Variants in OXR1 observed in about 807,000 individuals in gnomAD.
OXR1 encodes the protein oxidation resistance 1.
A neutral mutation model predicts 104.6 loss-of-function variants in OXR1; 41 were observed. The ratio of observed to expected loss-of-function variants is 0.39; its 90% CI spans 0.31 to 0.51. The LOEUF (loss-of-function observed/expected upper bound fraction) is 0.51, where lower values mean the gene tolerates loss of function less well. Ranked by LOEUF, OXR1 falls within the 20% of genes least tolerant of loss-of-function variation. The pLI is 0.77. For synonymous variants in OXR1, 348 were observed against 348.4 expected (o/e 1.00, Z 0.01); for missense variants, 955 against 1,031.9 (o/e 0.93, Z 1.02).
At chr8:106,614,566 T>A (rs1320048000) in intron 3 of OXR1, among the ~76,000 whole-genome samples, 2 of 152,222 alleles carry the variant, frequency 1.3e-5, no homozygotes, top group African/African-American at 4.8e-5. Context: ...GATGATTGTA[T>A]ACCTAGTGGA....
intron 11 of OXR1, among the ~76,000 whole-genome samples, chr8:106,736,591 A>G (rs892893743): frequency 1.3e-5 from 2 of 152,216 alleles, no homozygotes; most frequent in African/African-American, 4.8e-5. Flanking sequence ...TAGTATGGTA[A>G]CTGTTTTTAG....
intron 3 of OXR1, among the ~76,000 whole-genome samples, chr8:106,640,342 G>A (rs1320497878): frequency 6.7e-6 from 1 of 150,304 alleles, no homozygotes; most frequent in Admixed American, 6.6e-5. Context: ...TTGCATATTT[G>A]TATATAGATG....
chr8:106,300,583 C>G (rs918468428), intron 1 of OXR1, among the ~76,000 whole-genome samples: 1 of 151,706 alleles, frequency 6.6e-6, no homozygotes, highest in African/African-American at 2.4e-5. Flanking sequence ...TGAAATGCAC[C>G]GTGAATCATT....
At chr8:106,649,567 A>AG (rs2130999184) in intron 3 of OXR1, among the ~76,000 whole-genome samples, 2 of 151,960 alleles carry the variant, frequency 1.3e-5, no homozygotes, top group African/African-American at 4.8e-5. Flanking sequence ...AAAAAAAAAA[A>AG]AAAGAAAAGA....
At chr8:106,581,323 T>G in intron 3 of OXR1, 1 of 964,778 alleles carries the variant, frequency 1.0e-6, no homozygotes, top group Non-Finnish European at 1.4e-6. Context: ...CAACCACTTG[T>G]TGAGGCAAGC....
At chr8:106,503,761 A>T (rs1344258499) in intron 2 of OXR1, among the ~76,000 whole-genome samples, 1 of 152,194 alleles carries the variant, frequency 6.6e-6, no homozygotes, top group African/African-American at 2.4e-5. Context: ...TGGCCTTACA[A>T]GAGAGAACTG....
intron 3 of OXR1, among the ~76,000 whole-genome samples, chr8:106,558,364 TCAC>T (rs1816438462): frequency 6.6e-6 from 1 of 152,166 alleles, no homozygotes; most frequent in East Asian, 1.9e-4. Context: ...TGGTACAGAA[TCAC>T]CACCCTGGAT....
chr8:106,276,443 A>C (rs777166347), intron 1 of OXR1, among the ~76,000 whole-genome samples: 1 of 152,244 alleles, frequency 6.6e-6, no homozygotes, highest in African/African-American at 2.4e-5. Context: ...GGGAAGATCA[A>C]GAGCTTTGCA....
intron 2 of OXR1, among the ~76,000 whole-genome samples, chr8:106,404,420 G>C (rs1283275288): frequency 6.6e-6 from 1 of 152,120 alleles, no homozygotes; most frequent in Non-Finnish European, 1.5e-5. Context: ...TGTGAGACTA[G>C]GAGTTCAACT....
intron 2 of OXR1, among the ~76,000 whole-genome samples, chr8:106,462,682 CA>C (rs1276771561): frequency 6.6e-6 from 1 of 152,074 alleles, no homozygotes; most frequent in South Asian, 2.1e-4. Context: ...GTGCAATAAA[CA>C]GAAACATTTG....
chr8:106,357,540 C>T (rs985330200), intron 1 of OXR1, among the ~76,000 whole-genome samples: 2 of 151,984 alleles, frequency 1.3e-5, no homozygotes, highest in Admixed American at 6.6e-5. Context: ...TCCTTGATAG[C>T]CACTCATATG....
rs542560071 is a variant in OXR1, at chr8:106,629,456, T to C, written c.221-49754T>C. ...TCTTCTGACTACTCGTCTAGGGTCC[T>C]AGTCATCTAGCTACTGCCATGTTCC... On this transcript the variant is annotated intron_variant, in intron 3 of 16. Transcript: ENST00000517566. 1.4e-4 allele frequency among the ~76,000 whole-genome samples: 22 copies of C among 152,316 alleles called. 2 individuals carry two copies. In the South Asian group the frequency reaches 4.1e-3, roughly 29 times the overall value.
chr8:106,691,916 A>G (rs560992127), intron 6 of OXR1, among the ~76,000 whole-genome samples: 1 of 150,194 alleles, frequency 6.7e-6, no homozygotes, highest in South Asian at 2.1e-4. Context: ...AAGTTATTGA[A>G]CTTGGCTAAG....
chr8:106,739,813 A>G (rs1009226205), intron 13 of OXR1, among the ~76,000 whole-genome samples: 1 of 150,940 alleles, frequency 6.6e-6, no homozygotes, highest in African/African-American at 2.5e-5. Flanking sequence ...TGTGCTTGTT[A>G]CTTGCTTTAT....
intron 13 of OXR1, 138 bp downstream of exon 13, chr8:106,739,721 A>G: frequency 1.4e-6 from 1 of 720,854 alleles, no homozygotes; most frequent in Non-Finnish European, 2.2e-6. Flanking sequence ...AAGAGTAAGC[A>G]AAACATAGCA....
chr8:106,599,686 T>C (rs1157054548), intron 3 of OXR1, among the ~76,000 whole-genome samples: 1 of 152,194 alleles, frequency 6.6e-6, no homozygotes, highest in Non-Finnish European at 1.5e-5. Flanking sequence ...TTATCCTTAG[T>C]GTAAAGTTTA....
chr8:106,305,542 A>G (rs548170670), intron 1 of OXR1, among the ~76,000 whole-genome samples: 1 of 152,182 alleles, frequency 6.6e-6, no homozygotes, highest in African/African-American at 2.4e-5. Context: ...CTTGGGAAAC[A>G]TTTGATTAAA....
intron 2 of OXR1, among the ~76,000 whole-genome samples, chr8:106,371,756 A>G (rs957230903): frequency 1.3e-5 from 2 of 151,912 alleles, no homozygotes; most frequent in East Asian, 3.9e-4. Context: ...GTGTTCTCCA[A>G]TAACTCTTCC....
At chr8:106,508,677 T>C (rs1812330704) in intron 2 of OXR1, among the ~76,000 whole-genome samples, 1 of 152,346 alleles carries the variant, frequency 6.6e-6, no homozygotes, top group East Asian at 1.9e-4. Flanking sequence ...ATAGGATGAT[T>C]TAGTTTGAAG....
Sources: allele counts gnomAD v4.1 joint callset (sites outside exome capture counted in the v4.1 genomes callset), GRCh38; gene constraint gnomAD v4.1.1; transcripts MANE v1.5; gene names NCBI Gene and HGNC (gene_info 2026-07-23, HGNC 2026-07-21).